The following SEMA3C variants were observed in gnomAD, a reference collection of about 807,000 sequenced individuals.
SEMA3C encodes the protein semaphorin 3C.
Under a neutral mutation model 89.4 loss-of-function variants are expected in SEMA3C, and 47 were observed. The observed-to-expected ratio is 0.53, with a 90% CI of 0.42 to 0.67. The LOEUF (loss-of-function observed/expected upper bound fraction) is 0.67, where lower values mean the gene tolerates loss of function less well. SEMA3C is among the 30% of genes least tolerant of loss of function. The pLI is 0.00. For synonymous variants in SEMA3C, 310 were observed against 320.2 expected (o/e 0.97, Z 0.34); for missense variants, 839 against 929.1 (o/e 0.90, Z 1.26).
At chr7:80,819,608 A>G (rs766548863) in intron 4 of SEMA3C, among the ~76,000 whole-genome samples, 2 of 152,188 alleles carry the variant, frequency 1.3e-5, no homozygotes, top group Non-Finnish European at 2.9e-5. Flanking sequence ...GACATAATCA[A>G]TCTCTTTGCC....
intron 2 of SEMA3C, among the ~76,000 whole-genome samples, chr7:80,872,637 C>T (rs777955289): frequency 6.6e-6 from 1 of 151,202 alleles, no homozygotes; most frequent in Non-Finnish European, 1.5e-5. Context: ...CCCATCTCTA[C>T]TAAAAATAGA....
At chr7:80,834,392 T>G (rs2115844093) in intron 2 of SEMA3C, among the ~76,000 whole-genome samples, 1 of 152,274 alleles carries the variant, frequency 6.6e-6, no homozygotes, top group South Asian at 2.1e-4. Context: ...TTTGAGAATT[T>G]AACCAAAGCT....
chr7:80,852,144 A>T (rs926130948), intron 2 of SEMA3C, among the ~76,000 whole-genome samples: 1 of 152,144 alleles, frequency 6.6e-6, no homozygotes, highest in Non-Finnish European at 1.5e-5. Flanking sequence ...TCTTGGACAC[A>T]TTTGGTTGGA....
At chr7:80,775,471 T>TA (rs1307527626) in intron 12 of SEMA3C, among the ~76,000 whole-genome samples, 2 of 152,154 alleles carry the variant, frequency 1.3e-5, no homozygotes, top group African/African-American at 4.8e-5. Context: ...TACAGAGTAT[T>TA]AAAAAATCAG....
intron 15 of SEMA3C, among the ~76,000 whole-genome samples, chr7:80,757,317 T>C (rs1234365720): frequency 2.6e-5 from 4 of 152,234 alleles, no homozygotes; most frequent in Non-Finnish European, 4.4e-5. Flanking sequence ...ACCTATGACC[T>C]TGGTTGACTC....
intron 5 of SEMA3C, among the ~76,000 whole-genome samples, chr7:80,816,692 C>A (rs1165736812): frequency 6.6e-6 from 1 of 152,140 alleles, no homozygotes; most frequent in Non-Finnish European, 1.5e-5. Context: ...CCTGTTCATA[C>A]CTAAATTGGC....
chr7:80,919,264 A>C (rs1049230621), upstream of SEMA3C: 17 of 984,944 alleles, frequency 1.7e-5, no homozygotes, highest in Non-Finnish European at 2.0e-5. Context: ...GGCGGGGCCG[A>C]CCCTTAGAGC....
At position 80,798,183 on chromosome 7, in the gene SEMA3C, G is replaced by C. The variant is rs201775846; in HGVS notation, c.1040C>G (p.Thr347Ser). 2.5e-6 allele frequency: 4 copies of C among 1,604,986 alleles called. No homozygotes were observed. In the African/African-American group the frequency reaches 5.4e-5, roughly 22 times the overall value. Residue 347 changes from threonine to serine, a missense_variant, in exon 11 of 18, where the codon ACT becomes AGT. Thr to Ser is a moderately conservative substitution (Grantham distance 58, BLOSUM62 1). Transcript: ENST00000265361. ...GTGGGCAAAAGGCCCATTAAACACA[G>C]TCTGTATATCAGATAAATGATACAC... is the stretch of plus-strand genomic sequence containing the variant. ...VCVYHLSDIQ[T>S]VFNGPFAHKE...
intron 2 of SEMA3C, among the ~76,000 whole-genome samples, chr7:80,882,092 C>T (rs1272131598): frequency 6.6e-6 from 1 of 152,148 alleles, no homozygotes; most frequent in Non-Finnish European, 1.5e-5. Flanking sequence ...CCACGAAGTA[C>T]AAATTTTACC....
chr7:80,776,551 TGAAAC>T (rs1263331234), intron 12 of SEMA3C, among the ~76,000 whole-genome samples: 1 of 152,224 alleles, frequency 6.6e-6, no homozygotes, highest in Non-Finnish European at 1.5e-5. Flanking sequence ...CCCCGTAGTC[TGAAAC>T]TGCCTTTCCT....
chr7:80,911,918 C>A lies in SEMA3C; in HGVS notation c.103+4761G>T, dbSNP rs367616943. 3.7e-4 allele frequency among the ~76,000 whole-genome samples: 56 copies of A among 152,236 alleles called. No individual in the cohort carries two copies. The South Asian group carries it at 9.6e-3, about 26-fold the overall frequency. On this transcript the variant is annotated intron_variant, in intron 2 of 17. Transcript: ENST00000265361. Reference sequence around the variant, plus strand: ...AAAGTGCTAGGATTACAGGCGTGAGCCCCCGTGCTCGACCACATTTTTTTT... The same window carrying A: ...AAAGTGCTAGGATTACAGGCGTGAGACCCCGTGCTCGACCACATTTTTTTT...
intron 4 of SEMA3C, among the ~76,000 whole-genome samples, chr7:80,818,958 T>C (rs1449886329): frequency 6.6e-6 from 1 of 152,214 alleles, no homozygotes; most frequent in Non-Finnish European, 1.5e-5. Context: ...GATTACCTAC[T>C]ATTTGCCAGG....
intron 2 of SEMA3C, among the ~76,000 whole-genome samples, chr7:80,841,916 C>A (rs1289249013): frequency 6.6e-6 from 1 of 152,014 alleles, no homozygotes; most frequent in Non-Finnish European, 1.5e-5. Context: ...CATTTGGCTT[C>A]AAAACAAAAA....
intron 14 of SEMA3C, among the ~76,000 whole-genome samples, chr7:80,761,017 T>C (rs1202882202): frequency 6.6e-6 from 1 of 152,198 alleles, no homozygotes; most frequent in Non-Finnish European, 1.5e-5. Flanking sequence ...ATGATCATTG[T>C]ATATTTACAT....
At chr7:80,843,449 T>C (rs1282852589) in intron 2 of SEMA3C, among the ~76,000 whole-genome samples, 2 of 152,206 alleles carry the variant, frequency 1.3e-5, no homozygotes, top group African/African-American at 4.8e-5. Flanking sequence ...TTCTAAAATC[T>C]TGGCACTGCA....
At chr7:80,762,917 C>T (rs1328394024) in intron 13 of SEMA3C, among the ~76,000 whole-genome samples, 6 of 152,152 alleles carry the variant, frequency 3.9e-5, no homozygotes, top group Admixed American at 6.5e-5. Flanking sequence ...AATGTACCCC[C>T]GTTATTTTGT....
Position 80,810,695 on chromosome 7 carries a change from C to T in SEMA3C, c.454G>A (p.Val152Ile), listed in dbSNP as rs1789448257. ...LNRGRRSEDQ[V>I]FMIDSKCESG... ...TCACACTTGGAGTCAATCATGAAAA[C>T]TTGGTCCTTTATTGTAGATAAAATT... The change falls in exon 6 of 18, where the codon GTT (valine) becomes ATT (isoleucine). Residue 152 changes from valine (V) to isoleucine (I), a missense_variant. Transcript: ENST00000265361. 6.2e-7 allele frequency: 1 copy of T among 1,612,888 alleles called. No homozygotes were observed. Among genetic ancestry groups the T allele is most frequent in the South Asian group, 1.1e-5 (1 of 91,042 alleles).
At chr7:80,754,957 G>GTTTTT (rs1368382376) in intron 15 of SEMA3C, among the ~76,000 whole-genome samples, 4 of 108,362 alleles carry the variant, frequency 3.7e-5, no homozygotes, top group Admixed American at 2.0e-4. Flanking sequence ...GTTTTTTTTT[G>GTTTTT]TTTTTTTTTT....
At chr7:80,896,531 TA>T (rs1791741438) in intron 2 of SEMA3C, among the ~76,000 whole-genome samples, 1 of 152,208 alleles carries the variant, frequency 6.6e-6, no homozygotes, top group Admixed American at 6.5e-5. Flanking sequence ...TTGAGATAAT[TA>T]AATATATGAG....
Sources: allele counts gnomAD v4.1 joint callset (sites outside exome capture counted in the v4.1 genomes callset), GRCh38; gene constraint gnomAD v4.1.1; transcripts MANE v1.5; gene names NCBI Gene and HGNC (gene_info 2026-07-23, HGNC 2026-07-21).